The following FOXP1 variants were observed in gnomAD, a reference collection of about 807,000 sequenced individuals.
FOXP1 encodes forkhead box P1.
In FOXP1, 15 loss-of-function variants were observed where a neutral mutation model predicts 98.2. The observed-to-expected ratio is 0.15, with a 90% confidence interval of 0.10 to 0.24. FOXP1 has a LOEUF of 0.24. Among genes scored for constraint, FOXP1 ranks in the 10% least tolerant of loss-of-function variants. The pLI is 1.00. For missense variants in FOXP1, 633 were observed against 848.5 expected (o/e 0.75, Z 3.15); for synonymous variants, 371 against 314.5 (o/e 1.18, Z -1.90).
At chr3:70,979,316 A>AAAAAAAAAAAAAAAAG (rs1553670621) in intron 14 of FOXP1, among the ~76,000 whole-genome samples, 25 of 96,476 alleles carry the variant, frequency 2.6e-4, no homozygotes, top group Non-Finnish European at 4.2e-4. Context: ...AAAAAAAAAA[A>AAAAAAAAAAAAAAAAG]AAAAGAAAAA....
At chr3:71,079,452 C>T (rs897536693) in intron 7 of FOXP1, among the ~76,000 whole-genome samples, 2 of 152,106 alleles carry the variant, frequency 1.3e-5, no homozygotes, top group African/African-American at 4.8e-5. Flanking sequence ...CTAAAAAAAT[C>T]TTCATTCTTC....
chr3:71,331,666 C>T (rs1319445712), intron 4 of FOXP1, among the ~76,000 whole-genome samples: 1 of 152,220 alleles, frequency 6.6e-6, no homozygotes, highest in East Asian at 1.9e-4. Flanking sequence ...CACCAATCAG[C>T]ACCCTGTGTC....
chr3:71,542,602 A>G (rs1435051978), intron 2 of FOXP1, among the ~76,000 whole-genome samples: 1 of 152,218 alleles, frequency 6.6e-6, no homozygotes, highest in African/African-American at 2.4e-5. Flanking sequence ...CAGACGACAC[A>G]GTTCATGACT....
At chr3:71,526,492 T>A (rs2107501033) in intron 2 of FOXP1, among the ~76,000 whole-genome samples, 1 of 152,120 alleles carries the variant, frequency 6.6e-6, no homozygotes, top group East Asian at 1.9e-4. Flanking sequence ...GGGACAAACA[T>A]TAATATAGTA....
chr3:70,960,451 G>C (rs536686671), intron 20 of FOXP1, among the ~76,000 whole-genome samples: 1 of 152,298 alleles, frequency 6.6e-6, no homozygotes, highest in African/African-American at 2.4e-5. Flanking sequence ...ACACAAAACC[G>C]CTCGGATAAC....
chr3:71,088,816 G>A (rs2055452740), intron 7 of FOXP1, among the ~76,000 whole-genome samples: 1 of 152,162 alleles, frequency 6.6e-6, no homozygotes, highest in African/African-American at 2.4e-5. Context: ...GAGGAAATTT[G>A]CATAATTTGA....
chr3:71,070,732 G>A (rs1046726787), intron 7 of FOXP1, among the ~76,000 whole-genome samples: 1 of 152,158 alleles, frequency 6.6e-6, no homozygotes, highest in Non-Finnish European at 1.5e-5. Context: ...GCAGCGTGCT[G>A]GGGTTTAACA....
At chr3:71,102,486 C>A (rs140421177) in intron 7 of FOXP1, among the ~76,000 whole-genome samples, 1 of 152,180 alleles carries the variant, frequency 6.6e-6, no homozygotes, top group Non-Finnish European at 1.5e-5. Flanking sequence ...GTAATTACAT[C>A]GGTACACAAA....
intron 4 of FOXP1, among the ~76,000 whole-genome samples, chr3:71,322,495 C>A (rs1029950376): frequency 3.3e-5 from 5 of 152,164 alleles, no homozygotes; most frequent in Admixed American, 2.0e-4. Flanking sequence ...TGATAGGTGA[C>A]AAACTGGCAG....
rs569677171 is a variant in FOXP1, at chr3:71,578,863, T to C, written c.-298+2686A>G. Among the ~76,000 whole-genome samples, 7 of 152,368 alleles carry C rather than the reference T, an allele frequency of 4.6e-5. No individual in the cohort carries two copies. The South Asian group carries it at 1.2e-3, about 27-fold the overall frequency. On this transcript the variant is annotated intron_variant, in intron 2 of 20. Coordinates refer to ENST00000649528, the MANE Select transcript of FOXP1 (RefSeq NM_001349338.3). ...ATGCCTAGGCTCAATATTAACTCAG[T>C]TAACTTTTGCTATTATAAGTATAAA...
At chr3:71,094,425 G>A (rs551149614) in intron 7 of FOXP1, among the ~76,000 whole-genome samples, 17 of 151,850 alleles carry the variant, frequency 1.1e-4, no homozygotes, top group South Asian at 4.2e-4. Flanking sequence ...GACTACAGGC[G>A]CACGCCACCA....
chr3:71,168,674 T>C (rs1317502324), intron 6 of FOXP1, among the ~76,000 whole-genome samples: 2 of 152,200 alleles, frequency 1.3e-5, no homozygotes, highest in East Asian at 3.8e-4. Context: ...ATACCTCCAC[T>C]CTTGGTAGAG....
In FOXP1 at chr3:71,579,636, T is replaced by TTC. The variant is rs1553648134; in HGVS notation, c.-298+1912_-298+1913insGA. 7.9e-4 allele frequency among the ~76,000 whole-genome samples: 117 copies of TTC among 148,052 alleles called. 1 individual carries two copies. The highest frequency in any genetic ancestry group is 2.9e-3 in the African/African-American group (116 of 40,312). On this transcript the variant is annotated intron_variant, in intron 2 of 20. Coordinates refer to ENST00000649528, the MANE Select transcript of FOXP1 (RefSeq NM_001349338.3). Reference sequence around the variant, plus strand: ...TTTTTCTTTTTTTTCTTTTTTCTTTTTTTTTTTTTTTTTGAGCTTCACATC... The same window carrying TTC: ...TTTTTCTTTTTTTTCTTTTTTCTTTTTCTTTTTTTTTTTTTGAGCTTCACATC...
At chr3:71,576,758 C>T (rs1279883464) in intron 2 of FOXP1, among the ~76,000 whole-genome samples, 1 of 152,110 alleles carries the variant, frequency 6.6e-6, no homozygotes, top group Non-Finnish European at 1.5e-5. Flanking sequence ...TAAACTGAGC[C>T]CCCCTCCCCT....
At chr3:71,565,444 T>C (rs796563807) in intron 2 of FOXP1, among the ~76,000 whole-genome samples, 8 of 151,864 alleles carry the variant, frequency 5.3e-5, no homozygotes, top group African/African-American at 1.9e-4. Context: ...TTGGTGGCAG[T>C]GATGGGGGGG....
chr3:71,102,771 G>C (rs1331496876), intron 7 of FOXP1, among the ~76,000 whole-genome samples: 1 of 152,178 alleles, frequency 6.6e-6, no homozygotes, highest in Non-Finnish European at 1.5e-5. Context: ...TGCTTTCCCT[G>C]TTTGCGGGGC....
At chr3:71,515,952 C>T (rs191867196) in intron 2 of FOXP1, among the ~76,000 whole-genome samples, 169 of 152,288 alleles carry the variant, frequency 1.1e-3, no homozygotes, top group Middle Eastern at 3.4e-3. Context: ...AGAAGAATGG[C>T]CAGTGTCGTT....
chr3:71,218,418 C>T (rs1372193691), intron 5 of FOXP1, among the ~76,000 whole-genome samples: 1 of 152,170 alleles, frequency 6.6e-6, no homozygotes, highest in Non-Finnish European at 1.5e-5. Context: ...TGTTTGCCTC[C>T]AGGTTGTCCT....
chr3:71,131,403 CAAAAAAA>C (rs10681690), intron 6 of FOXP1, among the ~76,000 whole-genome samples: 3 of 126,518 alleles, frequency 2.4e-5, no homozygotes, highest in Admixed American at 8.4e-5. Context: ...TATTCAATAA[CAAAAAAA>C]AAAAAAAAAA....
Sources: gnomAD v4.1 joint callset for allele counts (sites outside exome capture counted in the v4.1 genomes callset) on GRCh38, gnomAD v4.1.1 for gene constraint, MANE v1.5 for transcripts, NCBI Gene and HGNC (gene_info 2026-07-23, HGNC 2026-07-21) for gene names.